The following ZNF385D variants were observed in gnomAD, a reference collection of about 807,000 sequenced individuals.
ZNF385D encodes zinc finger protein 659.
In ZNF385D, 15 loss-of-function variants were observed where a neutral mutation model predicts 35.8. The ratio of observed to expected loss-of-function variants is 0.42; its 90% CI spans 0.28 to 0.64. The LOEUF is 0.64. Ranked by LOEUF, ZNF385D falls within the 30% of genes least tolerant of loss-of-function variation. The pLI, the probability that ZNF385D is intolerant of heterozygous loss-of-function variation, is 0.23. For synonymous variants in ZNF385D, 212 were observed against 186.8 expected (o/e 1.13, Z -1.10); for missense variants, 474 against 494.6 (o/e 0.96, Z 0.39).
At chr3:21,973,035 G>C (rs565436712) in intron 3 of ZNF385D, among the ~76,000 whole-genome samples, 1 of 151,820 alleles carries the variant, frequency 6.6e-6, no homozygotes, top group African/African-American at 2.4e-5. Flanking sequence ...ATTCTGAAAA[G>C]GGGAGAGGGA....
intron 2 of ZNF385D, among the ~76,000 whole-genome samples, chr3:21,648,819 A>T (rs2065828967): frequency 6.6e-6 from 1 of 152,200 alleles, no homozygotes; most frequent in African/African-American, 2.4e-5. Context: ...GTGTTCCAAC[A>T]AAAAAGATAC....
intron 3 of ZNF385D, among the ~76,000 whole-genome samples, chr3:21,554,131 A>G (rs79059316): frequency 1.7e-3 from 259 of 152,330 alleles, no homozygotes; most frequent in African/African-American, 5.8e-3. Context: ...GGCAACATCC[A>G]TCAGAGGAAT....
Position 21,823,368 on chromosome 3 carries a change from A to G in ZNF385D, c.326-158340T>C, listed in dbSNP as rs375900081. Among the ~76,000 whole-genome samples, 22 of 152,284 alleles carry G rather than the reference A, an allele frequency of 1.4e-4. No individual in the cohort carries two copies. In the South Asian group the frequency reaches 2.9e-3, roughly 20 times the overall value. ...TTTTGGCAATTGTTATTTGTATCCT[A>G]AACACTGATTTACTGGACTTTGCAT... On this transcript the variant is annotated intron_variant, in intron 3 of 5. Transcript: ENST00000494108.
In ZNF385D at chr3:21,674,799, C is replaced by G. The variant is rs780336317; in HGVS notation, c.23-9771G>C. ...GTATCTGTCTCCCTATATGAGGAAGCTGTTTGTTAAGAAGAATATCTGTTC... is the reference window on the plus strand; with the variant it reads ...GTATCTGTCTCCCTATATGAGGAAGGTGTTTGTTAAGAAGAATATCTGTTC... On this transcript the variant is annotated intron_variant, in intron 1 of 7. Coordinates refer to ENST00000281523, the MANE Select transcript of ZNF385D (RefSeq NM_024697.3). Among the ~76,000 whole-genome samples the G allele has an allele frequency of 1.9e-4, 29 of 152,018 alleles. 1 individual carries two copies. The highest frequency in any genetic ancestry group is 1.5e-4 in the Non-Finnish European group (10 of 67,986).
At chr3:21,915,778 G>A (rs960857303) in intron 3 of ZNF385D, among the ~76,000 whole-genome samples, 31 of 152,230 alleles carry the variant, frequency 2.0e-4, no homozygotes, top group African/African-American at 7.2e-4. Flanking sequence ...TAGTCAAAAA[G>A]CAAAGACACC....
chr3:21,901,411 CCTGT>C (rs1305216006), intron 3 of ZNF385D, among the ~76,000 whole-genome samples: 1 of 152,138 alleles, frequency 6.6e-6, no homozygotes, highest in Admixed American at 6.6e-5. Context: ...TAAGAAGCTT[CCTGT>C]CTCTCAAAAA....
At position 22,095,086 on chromosome 3, in the gene ZNF385D, TTC is replaced by T. The variant is rs1701542031; in HGVS notation, c.325+73729_325+73730del. 7.1e-5 allele frequency among the ~76,000 whole-genome samples: 9 copies of T among 126,512 alleles called. No homozygotes were observed. The South Asian group carries it at 1.7e-3, about 24-fold the overall frequency. 83.0% of individuals were successfully genotyped at this position (126,512 alleles called of 152,430 possible). ...CCATGCCCAGTTATTTTTTCATTCT[TTC>T]TTTTTTTTTTTTTTTTTGTAGAGAT... On this transcript the variant is annotated intron_variant, in intron 3 of 5. Transcript: ENST00000494108.
At chr3:21,446,511 T>TTTG (rs1702160776) in intron 4 of ZNF385D, among the ~76,000 whole-genome samples, 1 of 146,326 alleles carries the variant, frequency 6.8e-6, no homozygotes, top group Non-Finnish European at 1.5e-5. Context: ...TTTTTTTTTT[T>TTTG]GAGACAGAGT....
Position 22,341,177 on chromosome 3 carries a change from G to A in ZNF385D, c.106+31273C>T, listed in dbSNP as rs17011218. Among the ~76,000 whole-genome samples the A allele has an allele frequency of 9.0e-3, 1,373 of 152,232 alleles. 62 individuals carry two copies. Among genetic ancestry groups the A allele is most frequent in the Admixed American group, 0.071 (1,082 of 15,276 alleles). On this transcript the variant is annotated intron_variant, in intron 2 of 5. Transcript: ENST00000494108. ...TGCTATCTCAATACCTACAAAAAAC[G>A]AGTAGATTATATTATTACCAATCTC...
chr3:22,192,510 CTGTT>C (rs1044349179), intron 2 of ZNF385D, among the ~76,000 whole-genome samples: 6 of 152,148 alleles, frequency 3.9e-5, no homozygotes, highest in East Asian at 3.9e-4. Context: ...CTGCCTTACA[CTGTT>C]TGTCTTAGAT....
At chr3:22,188,459 T>TG (rs1467229394) in intron 2 of ZNF385D, among the ~76,000 whole-genome samples, 1 of 152,152 alleles carries the variant, frequency 6.6e-6, no homozygotes, top group Non-Finnish European at 1.5e-5. Flanking sequence ...ATACTATTTT[T>TG]TTTTTTTTGA....
intron 3 of ZNF385D, among the ~76,000 whole-genome samples, chr3:22,090,526 A>G (rs1701274450): frequency 6.6e-6 from 1 of 152,090 alleles, no homozygotes; most frequent in African/African-American, 2.4e-5. Context: ...ATAAGCTCTC[A>G]GTTCAATTCA....
At chr3:21,725,472 T>A (rs1324486411) in intron 1 of ZNF385D, among the ~76,000 whole-genome samples, 2 of 151,900 alleles carry the variant, frequency 1.3e-5, no homozygotes, top group African/African-American at 4.8e-5. Flanking sequence ...AAGAATCAAA[T>A]AGATGCAATA....
chr3:21,608,679 T>C (rs1559455874), intron 2 of ZNF385D, among the ~76,000 whole-genome samples: 2 of 152,234 alleles, frequency 1.3e-5, no homozygotes, highest in African/African-American at 2.4e-5. Flanking sequence ...ATTTTAACTC[T>C]GATCATCTGC....
chr3:21,522,194 T>A (rs541263403), intron 3 of ZNF385D, among the ~76,000 whole-genome samples: 15 of 152,322 alleles, frequency 9.8e-5, no homozygotes, highest in African/African-American at 3.4e-4. Flanking sequence ...TGACCCCATC[T>A]CAGGGCACCC....
chr3:22,008,966 G>A (rs1696390959), intron 3 of ZNF385D, among the ~76,000 whole-genome samples: 1 of 150,544 alleles, frequency 6.6e-6, no homozygotes, highest in African/African-American at 2.4e-5. Flanking sequence ...GAATATGGAA[G>A]GAAGAAAATT....
At chr3:21,747,296 C>T (rs1013630094) in intron 1 of ZNF385D, among the ~76,000 whole-genome samples, 2 of 152,104 alleles carry the variant, frequency 1.3e-5, no homozygotes, top group Non-Finnish European at 2.9e-5. Context: ...CTAATATTTG[C>T]CTCTTAATTC....
At chr3:22,175,868 T>C (rs977382148) in intron 2 of ZNF385D, among the ~76,000 whole-genome samples, 8 of 149,608 alleles carry the variant, frequency 5.3e-5, no homozygotes, top group Admixed American at 4.0e-4. Flanking sequence ...TCAAGACTAA[T>C]GTAGAAAAAT....
intron 2 of ZNF385D, among the ~76,000 whole-genome samples, chr3:21,573,142 A>G (rs1168293015): frequency 1.3e-5 from 2 of 151,356 alleles, no homozygotes. Context: ...ATATGTTTAA[A>G]CAAACAAAAA....
Sources: gnomAD v4.1 joint callset for allele counts (sites outside exome capture counted in the v4.1 genomes callset) on GRCh38, gnomAD v4.1.1 for gene constraint, MANE v1.5 for transcripts, NCBI Gene and HGNC (gene_info 2026-07-23, HGNC 2026-07-21) for gene names.